Variants in ARFGEF1 observed in about 807,000 individuals in gnomAD.
ARFGEF1 encodes ARF guanine nucleotide exchange factor 1, also known as brefeldin A-inhibited guanine nucleotide-exchange protein 1.
ARFGEF1 carries 42 observed loss-of-function variants against 231.0 expected under a neutral mutation model. The ratio of observed to expected loss-of-function variants is 0.18; its 90% CI spans 0.14 to 0.24. ARFGEF1 has a LOEUF of 0.24. Ranked by LOEUF, ARFGEF1 falls within the 10% of genes least tolerant of loss-of-function variation. ARFGEF1 has a pLI of 1.00. For missense variants in ARFGEF1, 1,345 were observed against 2,192.0 expected, an observed-to-expected ratio of 0.61 and a Z score of 7.72; for synonymous variants, 710 against 732.3, an observed-to-expected ratio of 0.97 and a Z score of 0.49.
At chr8:67,271,544 G>T (rs1200785898) in intron 10 of ARFGEF1, among the ~76,000 whole-genome samples, 158 bp downstream of exon 10, 3 of 152,006 alleles carry the variant, frequency 2.0e-5, no homozygotes, top group African/African-American at 7.3e-5. Flanking sequence ...TACTTCGTTG[G>T]CACATATTAG....
chr8:67,321,682 G>C (rs868383317), intron 1 of ARFGEF1, among the ~76,000 whole-genome samples: 3 of 151,430 alleles, frequency 2.0e-5, no homozygotes, highest in Admixed American at 6.6e-5. Flanking sequence ...AGATGGTCTC[G>C]ATCTCCTGAC....
intron 6 of ARFGEF1, 46 bp from the exon 7 acceptor site, chr8:67,288,111 G>C (rs1375560548): frequency 1.5e-6 from 2 of 1,331,618 alleles, no homozygotes; most frequent in Non-Finnish European, 2.1e-6. Flanking sequence ...TAACTTTTTG[G>C]AAGCTTTTTA....
chr8:67,274,548 G>A (rs1184445927), intron 9 of ARFGEF1, among the ~76,000 whole-genome samples: 1 of 151,908 alleles, frequency 6.6e-6, no homozygotes, highest in Non-Finnish European at 1.5e-5. Context: ...ATTAAAGATA[G>A]CATCTTTTCA....
chr8:67,201,153 C>G (rs984591009), intron 37 of ARFGEF1, among the ~76,000 whole-genome samples: 1 of 152,124 alleles, frequency 6.6e-6, no homozygotes, highest in African/African-American at 2.4e-5. Context: ...TGCAGGCAGG[C>G]AAGTTTTCAC....
chr8:67,339,684 T>G (rs1466090599), intron 1 of ARFGEF1, among the ~76,000 whole-genome samples: 1 of 149,358 alleles, frequency 6.7e-6, no homozygotes, highest in Non-Finnish European at 1.5e-5. Flanking sequence ...CAGCCTAGAC[T>G]CCCTCTCTCT....
chr8:67,224,308 A>G (rs527504959), intron 29 of ARFGEF1, among the ~76,000 whole-genome samples: 6 of 152,290 alleles, frequency 3.9e-5, no homozygotes, highest in Non-Finnish European at 8.8e-5. Context: ...AAAAACTACT[A>G]TGGGAATCAT....
At chr8:67,202,357 TC>T (rs1362935152) in intron 36 of ARFGEF1, among the ~76,000 whole-genome samples, 1 of 152,086 alleles carries the variant, frequency 6.6e-6, no homozygotes, top group Non-Finnish European at 1.5e-5. Flanking sequence ...ACTCCTGGGC[TC>T]AAGTGATCCT....
intron 9 of ARFGEF1, among the ~76,000 whole-genome samples, chr8:67,275,106 C>T (rs1289467218): frequency 6.6e-6 from 1 of 152,078 alleles, no homozygotes; most frequent in Non-Finnish European, 1.5e-5. Flanking sequence ...AACTGAAACA[C>T]TCTATAGAAT....
In ARFGEF1 at chr8:67,227,469, C is replaced by T. The variant is rs1839413855; in HGVS notation, c.3721G>A (p.Glu1241Lys). The change falls in exon 26 of 39, where the codon GAA (glutamate) becomes AAA (lysine). Residue 1241 changes from glutamate (E) to lysine (K), a missense_variant. By Grantham distance (56) the Glu-to-Lys change is moderately conservative. Around this residue, in one of 14 missense-constraint regions of ARFGEF1, gnomAD observed 142 missense variants for 227.3 expected, o/e 0.62. Transcript: ENST00000262215. ...TACCTGTTCCGTTTCATTATATGTTCAAAAGGTCTTAAGAAATCCTTCTGG... is the reference window on the plus strand; with the variant it reads ...TACCTGTTCCGTTTCATTATATGTTTAAAAGGTCTTAAGAAATCCTTCTGG... ...RFQKDFLRPF[E>K]HIMKRNRSPT... 1.2e-6 allele frequency: 2 copies of T among 1,612,876 alleles called. No homozygotes were observed. The highest frequency in any genetic ancestry group is 1.7e-6 in the Non-Finnish European group (2 of 1,179,280).
At chr8:67,257,065 A>C (rs1240210714) in intron 17 of ARFGEF1, among the ~76,000 whole-genome samples, 1 of 152,052 alleles carries the variant, frequency 6.6e-6, no homozygotes, top group Non-Finnish European at 1.5e-5. Context: ...TAATCCCTCT[A>C]CTGGTGAAGT....
chr8:67,202,478 C>T (rs1025002720), intron 36 of ARFGEF1, among the ~76,000 whole-genome samples: 5 of 152,074 alleles, frequency 3.3e-5, no homozygotes, highest in South Asian at 4.1e-4. Context: ...AGGGTGGTTT[C>T]GAACTTCTGG....
intron 5 of ARFGEF1, among the ~76,000 whole-genome samples, chr8:67,295,938 A>G (rs185612918): frequency 3.9e-5 from 6 of 152,328 alleles, no homozygotes; most frequent in Non-Finnish European, 8.8e-5. Context: ...AGACTTATGC[A>G]TTTAAAAACA....
chr8:67,277,236 G>C (rs1805351638), intron 8 of ARFGEF1, 46 bp downstream of exon 8: 3 of 1,577,180 alleles, frequency 1.9e-6, no homozygotes, highest in Non-Finnish European at 1.7e-6. Context: ...CTATAAATTT[G>C]TAAGATTAAC....
At chr8:67,341,534 C>T (rs139997042) in intron 1 of ARFGEF1, among the ~76,000 whole-genome samples, 100 of 151,772 alleles carry the variant, frequency 6.6e-4, no homozygotes, top group African/African-American at 2.3e-3. Context: ...GAGTTTGAGG[C>T]GGCACTGAGC....
chr8:67,272,883 C>T (rs2128897186), intron 9 of ARFGEF1, among the ~76,000 whole-genome samples: 1 of 151,928 alleles, frequency 6.6e-6, no homozygotes, highest in Non-Finnish European at 1.5e-5. Flanking sequence ...TGAGGCAGGT[C>T]GATCACTTGA....
chr8:67,251,540 G>C (rs573146837), intron 18 of ARFGEF1, 90 bp from the exon 19 acceptor site: 3 of 1,192,538 alleles, frequency 2.5e-6, no homozygotes, highest in South Asian at 1.9e-5. Context: ...AACACCACCA[G>C]TAATTAAAAG....
At chr8:67,242,070 G>C (rs1291027260) in intron 19 of ARFGEF1, among the ~76,000 whole-genome samples, 1 of 152,216 alleles carries the variant, frequency 6.6e-6, no homozygotes, top group East Asian at 1.9e-4. Context: ...AGGAACCTGA[G>C]TTCCAGCAAG....
chr8:67,289,930 C>G (rs917729523), intron 6 of ARFGEF1, among the ~76,000 whole-genome samples: 2 of 152,014 alleles, frequency 1.3e-5, no homozygotes, highest in Admixed American at 1.3e-4. Flanking sequence ...TAAAAGTGTA[C>G]GAAATGACTA....
intron 19 of ARFGEF1, 93 bp downstream of exon 19, chr8:67,251,206 A>G (rs995484411): frequency 5.0e-6 from 6 of 1,190,496 alleles, no homozygotes; most frequent in Admixed American, 6.2e-5. Flanking sequence ...CTAATGTGTT[A>G]TATCACTGTA....
Sources: allele counts gnomAD v4.1 joint callset (sites outside exome capture counted in the v4.1 genomes callset), GRCh38; gene constraint gnomAD v4.1.1; regional missense constraint gnomAD v4.1.1; transcripts MANE v1.5; gene names NCBI Gene and HGNC (gene_info 2026-07-23, HGNC 2026-07-21).